Variants in TACC2 observed in about 807,000 individuals in gnomAD.
TACC2 encodes the protein transforming acidic coiled-coil containing protein 2, also known as transforming acidic coiled-coil-containing protein 2.
Under a neutral mutation model 227.3 loss-of-function variants are expected in TACC2, and 137 were observed. The ratio of observed to expected loss-of-function variants is 0.60; its 90% CI spans 0.52 to 0.69. The LOEUF (loss-of-function observed/expected upper bound fraction) is 0.69. Ranked by LOEUF, TACC2 falls within the 30% of genes least tolerant of loss-of-function variation. The pLI is 0.00. For missense variants in TACC2, 3,470 were observed against 3,694.4 expected (o/e 0.94, Z 1.57); for synonymous variants, 1,523 against 1,487.5 (o/e 1.02, Z -0.55).
chr10:122,213,249 A>T (rs2095333757), intron 9 of TACC2: 1 of 1,372,284 alleles, frequency 7.3e-7, no homozygotes, highest in South Asian at 1.2e-5. Context: ...TGGCCGCCAT[A>T]TCCTAACCCA....
At position 122,150,698 on chromosome 10, in the gene TACC2, CA is replaced by C. The variant is rs2091948140; in HGVS notation, c.5834+6993del. Reference sequence around the variant, plus strand: ...GAGCATGTGCGGCTCAGGACCCCACCATGCCCGAGTGCCTCGCCGTGTTGAT... The same window carrying C: ...GAGCATGTGCGGCTCAGGACCCCACCTGCCCGAGTGCCTCGCCGTGTTGAT... On this transcript the variant is annotated intron_variant, in intron 7 of 22. Transcript: ENST00000369005. The surrounding 1 kb of genome is among the most constrained non-coding windows in gnomAD (Gnocchi z 4.0). Among the ~76,000 whole-genome samples, 1 of 152,178 alleles carries C rather than the reference CA, an allele frequency of 6.6e-6. No homozygotes were observed. The highest frequency in any genetic ancestry group is 2.1e-4 in the South Asian group (1 of 4,822).
intron 6 of TACC2, among the ~76,000 whole-genome samples, chr10:122,139,464 G>C (rs2090210110): frequency 6.6e-6 from 1 of 152,124 alleles, no homozygotes; most frequent in Non-Finnish European, 1.5e-5. Flanking sequence ...TTTGGCTTTG[G>C]GGCTTTTCAG....
intron 7 of TACC2, among the ~76,000 whole-genome samples, chr10:122,170,461 G>C (rs1370976209): frequency 6.6e-6 from 1 of 151,568 alleles, no homozygotes; most frequent in Non-Finnish European, 1.5e-5. Context: ...AGTAGAGACG[G>C]GGTTTTAATT....
At chr10:122,163,571 C>G (rs961497536) in intron 7 of TACC2, 18 of 997,060 alleles carry the variant, frequency 1.8e-5, no homozygotes, top group Admixed American at 6.0e-5. Context: ...ATCATCGTGT[C>G]ACACACAGGA....
chr10:122,072,138 C>A (rs2078152703), intron 3 of TACC2, among the ~76,000 whole-genome samples: 1 of 151,616 alleles, frequency 6.6e-6, no homozygotes, highest in Non-Finnish European at 1.5e-5. Flanking sequence ...GCCACTATGC[C>A]CGGCTAATTT....
At chr10:122,116,307 C>T (rs2084689781) in intron 5 of TACC2, among the ~76,000 whole-genome samples, 1 of 152,180 alleles carries the variant, frequency 6.6e-6, no homozygotes, top group Admixed American at 6.5e-5. Flanking sequence ...GTCCGCTATC[C>T]ACAGTGTTAT....
intron 7 of TACC2, among the ~76,000 whole-genome samples, chr10:122,177,893 C>T (rs1361654641): frequency 6.6e-6 from 1 of 152,114 alleles, no homozygotes; most frequent in Non-Finnish European, 1.5e-5. Flanking sequence ...CTCTGAGAGG[C>T]CCCTGAACCC....
chr10:121,991,626 G>A lies in TACC2; in HGVS notation c.-46+2138G>A, dbSNP rs113330134. Among the ~76,000 whole-genome samples, 320 of 152,292 alleles carry A rather than the reference G, an allele frequency of 2.1e-3. 1 individual carries two copies. The highest frequency in any genetic ancestry group is 7.2e-3 in the African/African-American group (299 of 41,550). On this transcript the variant is annotated intron_variant, in intron 1 of 22. Transcript: ENST00000369005. ...TGCACTCACACTGTTGCTGTATGGT[G>A]GCACCATCTCAGCCGGTATACAGAG...
intron 4 of TACC2, 78 bp downstream of exon 4, chr10:122,088,037 G>A: frequency 7.1e-7 from 1 of 1,417,932 alleles, no homozygotes; most frequent in South Asian, 1.7e-5. Context: ...TTAGAAGTCA[G>A]TCGCATAGGT....
chr10:122,188,179 T>C (rs2094279843), intron 7 of TACC2, among the ~76,000 whole-genome samples: 1 of 152,130 alleles, frequency 6.6e-6, no homozygotes, highest in Non-Finnish European at 1.5e-5. Context: ...ATCCAGAAAA[T>C]GGTTGGAGGA....
chr10:122,241,152 G>A (rs1057464472), intron 18 of TACC2, among the ~76,000 whole-genome samples: 6 of 152,172 alleles, frequency 3.9e-5, no homozygotes, highest in East Asian at 3.8e-4. Flanking sequence ...TGAGAAGGCC[G>A]AGAGCAAACA....
chr10:122,149,012 A>C (rs2091740474), intron 7 of TACC2, among the ~76,000 whole-genome samples: 1 of 152,172 alleles, frequency 6.6e-6, no homozygotes. Flanking sequence ...TCAGCAGGTC[A>C]CCCTGACTTT....
rs546922969 is a variant in TACC2, at chr10:122,061,815, G to A, written c.146+11265G>A. Among the ~76,000 whole-genome samples the A allele has an allele frequency of 6.6e-5, 10 of 152,188 alleles. No homozygotes were observed. The South Asian group carries it at 8.3e-4, about 13-fold the overall frequency. On this transcript the variant is annotated intron_variant, in intron 3 of 22. Coordinates refer to ENST00000369005, the MANE Select transcript of TACC2 (RefSeq NM_206862.4). ...AGGTGGGGTCTCTGGGAGCACAGGGGCGGGGAGAGAGGGGCTGGCTCTGCT... is the reference window on the plus strand; with the variant it reads ...AGGTGGGGTCTCTGGGAGCACAGGGACGGGGAGAGAGGGGCTGGCTCTGCT...
At chr10:122,061,027 G>A (rs370570795) in intron 3 of TACC2, among the ~76,000 whole-genome samples, 1 of 130,298 alleles carries the variant, frequency 7.7e-6, no homozygotes, top group Non-Finnish European at 1.6e-5. Context: ...AAAGGGGGGG[G>A]GGCCAGGCAC....
chr10:122,040,953 G>T (rs974339320), intron 2 of TACC2, among the ~76,000 whole-genome samples: 5 of 152,106 alleles, frequency 3.3e-5, no homozygotes, highest in African/African-American at 1.2e-4. Flanking sequence ...CCCCAGCTTG[G>T]GCAGGTCCCC....
At chr10:122,025,431 T>C (rs1048685384) in intron 2 of TACC2, among the ~76,000 whole-genome samples, 7 of 151,756 alleles carry the variant, frequency 4.6e-5, no homozygotes, top group African/African-American at 1.5e-4. Flanking sequence ...TGGCTAATTT[T>C]TTTGTATTTT....
chr10:122,218,648 G>C (rs12219771), intron 11 of TACC2, among the ~76,000 whole-genome samples: 46,442 of 152,010 alleles, frequency 0.31, 7,213 homozygotes, highest in Middle Eastern at 0.4. Context: ...TTGGCATTTT[G>C]TTTTCTGTAA....
intron 5 of TACC2, among the ~76,000 whole-genome samples, chr10:122,105,164 T>G (rs761820421): frequency 2.0e-5 from 3 of 152,200 alleles, no homozygotes; most frequent in Admixed American, 6.5e-5. Context: ...AAGCTTCTCT[T>G]TGGATGCCCA....
At chr10:122,243,026 C>T (rs565663985) in intron 19 of TACC2, among the ~76,000 whole-genome samples, 27 of 152,300 alleles carry the variant, frequency 1.8e-4, no homozygotes, top group African/African-American at 6.3e-4. Context: ...TCACTGCAAC[C>T]TCCACCCCCC....
Sources: gnomAD v4.1 joint callset for allele counts (sites outside exome capture counted in the v4.1 genomes callset) on GRCh38, gnomAD v4.1.1 for gene constraint, Gnocchi (gnomAD v3.1) non-coding constraint, MANE v1.5 for transcripts, NCBI Gene and HGNC (gene_info 2026-07-23, HGNC 2026-07-21) for gene names.